The following TRPS1 variants were observed in gnomAD, a reference collection of about 807,000 sequenced individuals.
TRPS1 encodes the protein transcriptional repressor GATA binding 1.
In TRPS1, 6 loss-of-function variants were observed where a neutral mutation model predicts 101.2. The observed-to-expected ratio is 0.06, with a 90% confidence interval of 0.03 to 0.12. TRPS1 has a LOEUF of 0.12. TRPS1 is among the 10% of genes least tolerant of loss of function. The pLI is 1.00. For synonymous variants in TRPS1, 578 were observed against 589.8 expected (o/e 0.98, Z 0.29); for missense variants, 1,363 against 1,567.0 (o/e 0.87, Z 2.20).
intron 5 of TRPS1, among the ~76,000 whole-genome samples, chr8:115,508,231 T>G (rs1341272678): frequency 6.6e-6 from 1 of 152,114 alleles, no homozygotes; most frequent in East Asian, 1.9e-4. Flanking sequence ...TAAAACTTGA[T>G]GTATATCACA....
At chr8:115,453,444 CA>C in intron 5 of TRPS1, among the ~76,000 whole-genome samples, 1 of 152,180 alleles carries the variant, frequency 6.6e-6, no homozygotes, top group Non-Finnish European at 1.5e-5. Context: ...AATGTGCTAA[CA>C]GAAGTGTATG....
intron 5 of TRPS1, among the ~76,000 whole-genome samples, chr8:115,551,709 T>C (rs1276284770): frequency 6.6e-6 from 1 of 152,170 alleles, no homozygotes; most frequent in Non-Finnish European, 1.5e-5. Context: ...TTCTAAAACA[T>C]CTTATATAGC....
intron 1 of TRPS1, chr8:115,667,770 C>T (rs10100861): frequency 0.017 from 24,488 of 1,442,262 alleles, 282 homozygotes; most frequent in Non-Finnish European, 0.021. Context: ...CATTTGCAAA[C>T]TCTTCAAAGC....
At position 115,418,490 on chromosome 8, in the gene TRPS1, C is replaced by A; in HGVS notation, c.2701-38G>T. ...AAAAAAACCAAGGTCAGAGGTGAGT[C>A]ACATGATCAGTGGAGTTAGACCAAA... On this transcript the variant is annotated intron_variant, in intron 5 of 6. Coordinates refer to ENST00000395715, the MANE Select transcript of TRPS1 (RefSeq NM_014112.5). The surrounding 1 kb of genome is among the most constrained non-coding windows in gnomAD (Gnocchi z 4.3). The A allele has an allele frequency of 6.2e-7, 1 of 1,613,876 alleles. No homozygotes were observed. Among genetic ancestry groups the A allele is most frequent in the South Asian group, 1.1e-5 (1 of 91,036 alleles).
intron 5 of TRPS1, among the ~76,000 whole-genome samples, chr8:115,440,489 G>A (rs1380272082): frequency 2.0e-5 from 3 of 152,280 alleles, no homozygotes; most frequent in South Asian, 2.1e-4. Context: ...AGGACCATGT[G>A]GGTCTTACAT....
At chr8:115,431,481 T>C (rs1303966452) in intron 5 of TRPS1, among the ~76,000 whole-genome samples, 1 of 152,016 alleles carries the variant, frequency 6.6e-6, no homozygotes, top group African/African-American at 2.4e-5. Context: ...TCTCCTCTCT[T>C]TCTTTCCTAT....
At chr8:115,466,680 A>C (rs1481159035) in intron 5 of TRPS1, among the ~76,000 whole-genome samples, 1 of 152,134 alleles carries the variant, frequency 6.6e-6, no homozygotes, top group African/African-American at 2.4e-5. Context: ...CAAAGAGCTC[A>C]ATTAACACAC....
rs767192463 is a variant in TRPS1 at position 115,414,919 on chromosome 8, A to G, written c.2989T>C (p.Ser997Pro). ...TGACTTTCAGTTAGATGATCTTCTG[A>G]CCTCCTCTCTAACGGGCTTCCATTG... ...QVNGSPLERRSEDHLTESHQR... is the reference protein window; with the variant it reads ...QVNGSPLERRPEDHLTESHQR... The change falls in exon 7 of 7, where the codon TCA becomes CCA. Residue 997 changes from serine to proline, a missense_variant. Physicochemically the swap from Ser to Pro is moderately conservative, Grantham distance 74 (BLOSUM62 -1). Coordinates refer to ENST00000395715, the MANE Select transcript of TRPS1 (RefSeq NM_014112.5). The surrounding 1 kb of genome is among the most constrained non-coding windows in gnomAD (Gnocchi z 4.8). 5.6e-6 allele frequency: 9 copies of G among 1,606,828 alleles called. No homozygotes were observed. The highest frequency in any genetic ancestry group is 1.3e-5 in the African/African-American group (1 of 74,334).
chr8:115,570,689 TCACACA>T (rs35198890), intron 5 of TRPS1, among the ~76,000 whole-genome samples: 97 of 95,782 alleles, frequency 1.0e-3, no homozygotes, highest in East Asian at 6.6e-3. Context: ...ACACACACAC[TCACACA>T]CACACACACA....
In TRPS1 at chr8:115,410,980, A is replaced by C. The variant is rs1812775604; in HGVS notation, c.*3043T>G. 6.6e-6 allele frequency: 1 copy of C among 151,796 alleles called. No homozygotes were observed. The highest frequency in any genetic ancestry group is 1.5e-5 in the Non-Finnish European group (1 of 67,934). 9.4% of individuals were successfully genotyped at this position (151,796 alleles called of 1,614,324 possible). Reference sequence around the variant, plus strand: ...TTCAGAAATCTTAAATTAAAAAAATAAATTTTATAATATATCTTGAGAGAT... The same window carrying C: ...TTCAGAAATCTTAAATTAAAAAAATCAATTTTATAATATATCTTGAGAGAT... On this transcript the variant is annotated 3_prime_UTR_variant, in exon 7 of 7. Transcript: ENST00000395715.
At chr8:115,580,234 G>GGA (rs746736831) in intron 5 of TRPS1, among the ~76,000 whole-genome samples, 1 of 133,136 alleles carries the variant, frequency 7.5e-6, no homozygotes, top group Non-Finnish European at 1.6e-5. Context: ...AGGGAGAGAA[G>GGA]AAAAAAAAAA....
At chr8:115,574,285 A>C (rs1015965094) in intron 5 of TRPS1, among the ~76,000 whole-genome samples, 1 of 152,148 alleles carries the variant, frequency 6.6e-6, no homozygotes, top group Non-Finnish European at 1.5e-5. Flanking sequence ...GTTTGAGTAC[A>C]GGTTAGTTTG....
chr8:115,544,072 A>G (rs3779878), intron 5 of TRPS1, among the ~76,000 whole-genome samples: 96,966 of 151,220 alleles, frequency 0.64, 31,704 homozygotes, highest in East Asian at 0.84. Flanking sequence ...TGTAAAGAAC[A>G]TTTCAGGCTA....
chr8:115,587,758 AT>A (rs1412343128), intron 4 of TRPS1, among the ~76,000 whole-genome samples, 154 bp from the exon 5 acceptor site: 1 of 152,234 alleles, frequency 6.6e-6, no homozygotes. Flanking sequence ...CTGGAATGTA[AT>A]TAACAGGCAT....
At chr8:115,606,705 CACTGAAATATAATTCATAAT>C (rs1314538314) in intron 3 of TRPS1, among the ~76,000 whole-genome samples, 17 of 149,696 alleles carry the variant, frequency 1.1e-4, no homozygotes, top group African/African-American at 3.2e-4. Context: ...CTAAAACTTG[CACTGAAATATAATTCATAAT>C]ACTGAAATAT....
intron 3 of TRPS1, among the ~76,000 whole-genome samples, chr8:115,618,703 T>C (rs2130529619): frequency 6.6e-6 from 1 of 152,254 alleles, no homozygotes; most frequent in Middle Eastern, 3.4e-3. Flanking sequence ...CAAATCCTAA[T>C]CCAAGATACA....
chr8:115,586,112 T>G (rs536100428), intron 5 of TRPS1, among the ~76,000 whole-genome samples: 29 of 152,290 alleles, frequency 1.9e-4, no homozygotes, highest in South Asian at 6.2e-4. Context: ...GGTTAGCTGG[T>G]TTCTGATCCT....
chr8:115,426,998 G>A (rs1051124487), intron 5 of TRPS1, among the ~76,000 whole-genome samples: 2 of 152,052 alleles, frequency 1.3e-5, no homozygotes, highest in African/African-American at 2.4e-5. Context: ...TTGGCCAGGC[G>A]TGGTAGCTCA....
chr8:115,444,939 G>T (rs916312311), intron 5 of TRPS1, among the ~76,000 whole-genome samples: 2 of 64,360 alleles, frequency 3.1e-5, no homozygotes, highest in African/African-American at 1.3e-4. Flanking sequence ...TCATTTCTAG[G>T]TTAAATTTCT....
Sources: allele counts gnomAD v4.1 joint callset (sites outside exome capture counted in the v4.1 genomes callset), GRCh38; gene constraint gnomAD v4.1.1; non-coding constraint Gnocchi (gnomAD v3.1); transcripts MANE v1.5; gene names NCBI Gene and HGNC (gene_info 2026-07-23, HGNC 2026-07-21).